Variants in TULP4 observed in about 807,000 individuals in gnomAD.
TULP4 encodes tubby-related protein 4.
In TULP4, 16 loss-of-function variants were observed where a neutral mutation model predicts 129.0. The observed-to-expected ratio is 0.12, with a 90% CI of 0.08 to 0.19. The LOEUF (loss-of-function observed/expected upper bound fraction) is 0.19, where lower values mean the gene tolerates loss of function less well. Ranked by LOEUF, TULP4 falls within the 10% of genes least tolerant of loss-of-function variation. The pLI is 1.00. For synonymous variants in TULP4, 998 were observed against 854.0 expected, an observed-to-expected ratio of 1.17 and a Z score of -2.94; for missense variants, 1,842 against 2,059.1, an observed-to-expected ratio of 0.89 and a Z score of 2.04.
At chr6:158,287,531 C>T (rs997660719) in intron 1 of TULP4, among the ~76,000 whole-genome samples, 4 of 152,048 alleles carry the variant, frequency 2.6e-5, no homozygotes, top group African/African-American at 9.7e-5. Flanking sequence ...TTAAGTAATT[C>T]CCAAGTTAGC....
At chr6:158,241,616 A>C (rs537580871) in intron 1 of TULP4, among the ~76,000 whole-genome samples, 1 of 149,868 alleles carries the variant, frequency 6.7e-6, no homozygotes, top group South Asian at 2.2e-4. Context: ...TTTTTTTGAG[A>C]TGGTGTCTCG....
intron 1 of TULP4, among the ~76,000 whole-genome samples, chr6:158,343,859 T>TA (rs1423917043): frequency 6.6e-6 from 1 of 152,126 alleles, no homozygotes; most frequent in African/African-American, 2.4e-5. Context: ...ATGGAGAAAA[T>TA]ACTAATAAAA....
At chr6:158,470,887 A>G (rs1400133724) in intron 6 of TULP4, among the ~76,000 whole-genome samples, 2 of 152,342 alleles carry the variant, frequency 1.3e-5, no homozygotes, top group South Asian at 4.1e-4. Flanking sequence ...CTAGTGAAGA[A>G]GTTGAGGCAG....
At chr6:158,332,317 G>A (rs1779930132) in intron 1 of TULP4, among the ~76,000 whole-genome samples, 1 of 151,464 alleles carries the variant, frequency 6.6e-6, no homozygotes, top group Admixed American at 6.6e-5. Flanking sequence ...GGATAAGCTG[G>A]GAAGGGGTTC....
At chr6:158,326,586 A>G (rs1779753843) in intron 1 of TULP4, among the ~76,000 whole-genome samples, 1 of 152,248 alleles carries the variant, frequency 6.6e-6, no homozygotes, top group South Asian at 2.1e-4. Flanking sequence ...GTCATAAAGT[A>G]TAAGACTTTT....
chr6:158,454,349 C>T (rs1779244336), intron 5 of TULP4, among the ~76,000 whole-genome samples: 1 of 152,150 alleles, frequency 6.6e-6, no homozygotes, highest in African/African-American at 2.4e-5. Flanking sequence ...ATAATCCATG[C>T]TTAACTTTTT....
At chr6:158,418,686 T>G (rs1337421667) in intron 2 of TULP4, among the ~76,000 whole-genome samples, 1 of 152,200 alleles carries the variant, frequency 6.6e-6, no homozygotes, top group African/African-American at 2.4e-5. Flanking sequence ...GGAGGATTGC[T>G]TGAGCAATCC....
intron 1 of TULP4, among the ~76,000 whole-genome samples, chr6:158,234,733 T>TCCATGAA (rs1777657005): frequency 1.3e-5 from 2 of 152,260 alleles, no homozygotes; most frequent in Non-Finnish European, 2.9e-5. Flanking sequence ...ATTGTACATT[T>TCCATGAA]GTCTTTAGTG....
chr6:158,413,215 G>A lies in TULP4; in HGVS notation c.381+22G>A. The A allele has an allele frequency of 1.9e-6, 3 of 1,601,688 alleles. No homozygotes were observed. The highest frequency in any genetic ancestry group is 1.7e-6 in the Non-Finnish European group (2 of 1,171,358). On this transcript the variant is annotated intron_variant, in intron 2 of 13. Coordinates refer to ENST00000367097, the MANE Select transcript of TULP4 (RefSeq NM_020245.5). The surrounding 1 kb of genome is among the most constrained non-coding windows in gnomAD (Gnocchi z 4.9). ...GCAGGTGAGTGGCAGGCGCAGCTCT[G>A]CCAGTGAAGGGCTGCGGGGTAGAGG...
At chr6:158,492,104 C>A (rs759352817) in intron 9 of TULP4, among the ~76,000 whole-genome samples, 1 of 151,948 alleles carries the variant, frequency 6.6e-6, no homozygotes, top group African/African-American at 2.4e-5. Flanking sequence ...GTGATCCGCC[C>A]GCCTTGGCCT....
chr6:158,434,591 T>A (rs1043786524), intron 3 of TULP4, among the ~76,000 whole-genome samples: 1 of 152,186 alleles, frequency 6.6e-6, no homozygotes, highest in Admixed American at 6.5e-5. Context: ...CCTTGCCCCT[T>A]GATATGTGAA....
At chr6:158,269,523 T>C (rs1778509234) in intron 1 of TULP4, among the ~76,000 whole-genome samples, 1 of 152,174 alleles carries the variant, frequency 6.6e-6, no homozygotes, top group South Asian at 2.1e-4. Context: ...TTCGTTGCCA[T>C]TTGAGATTTT....
upstream of TULP4, among the ~76,000 whole-genome samples, chr6:158,311,367 G>C (rs1266658764): frequency 1.3e-5 from 2 of 152,176 alleles, no homozygotes; most frequent in African/African-American, 4.8e-5. Flanking sequence ...GGCGGGGCGG[G>C]AGGGCAGGGA....
chr6:158,488,437 C>G (rs1780118597), intron 8 of TULP4, among the ~76,000 whole-genome samples: 1 of 152,164 alleles, frequency 6.6e-6, no homozygotes, highest in African/African-American at 2.4e-5. Flanking sequence ...CCTCCTGATT[C>G]AGTGAGTGCT....
chr6:158,237,500 T>C, intron 1 of TULP4: 1 of 1,550,566 alleles, frequency 6.4e-7, no homozygotes, highest in Non-Finnish European at 8.9e-7. Flanking sequence ...CTACTCACAG[T>C]TTTTCTGGCA....
Position 158,503,348 on chromosome 6 carries a change from C to A in TULP4, c.3685C>A (p.Pro1229Thr), listed in dbSNP as rs897267870. The change falls in exon 13 of 14, where the codon CCG becomes ACG. Residue 1229 changes from proline to threonine, a missense_variant. Transcript: ENST00000367097. This position sits in a 1 kb window ranked among gnomAD's most constrained non-coding sequence, Gnocchi z 4.3. ...AQQEPAVVLQ[P>T]LYPPSLSYCT... The stretch of plus-strand genomic sequence containing the variant: ...ACAGGAGCCTGCTGTGGTCCTTCAG[C>A]CGCTGTACCCACCCAGCCTCTCCTA... 5.6e-6 allele frequency: 9 copies of A among 1,613,626 alleles called. No homozygotes were observed. The highest frequency in any genetic ancestry group is 7.6e-6 in the Non-Finnish European group (9 of 1,179,980).
intron 2 of TULP4, among the ~76,000 whole-genome samples, chr6:158,422,043 G>T (rs1302507016): frequency 6.6e-6 from 1 of 152,102 alleles, no homozygotes; most frequent in Admixed American, 6.6e-5. Context: ...GTGATCATTG[G>T]TCAGATAGGT....
intron 1 of TULP4, among the ~76,000 whole-genome samples, chr6:158,268,160 C>T (rs1007663931): frequency 9.9e-5 from 15 of 151,540 alleles, no homozygotes; most frequent in African/African-American, 3.4e-4. Flanking sequence ...CCCAGCCTCC[C>T]GAGTAGCTGG....
intron 8 of TULP4, among the ~76,000 whole-genome samples, chr6:158,485,158 C>T (rs1419992339): frequency 6.6e-6 from 1 of 152,154 alleles, no homozygotes; most frequent in Admixed American, 6.5e-5. Context: ...GAAGGTAGAA[C>T]TTGCAAGTGA....
Sources: gnomAD v4.1 joint callset for allele counts (sites outside exome capture counted in the v4.1 genomes callset) on GRCh38, gnomAD v4.1.1 for gene constraint, Gnocchi (gnomAD v3.1) non-coding constraint, MANE v1.5 for transcripts, NCBI Gene and HGNC (gene_info 2026-07-23, HGNC 2026-07-21) for gene names.